The following KDM4B variants were observed in gnomAD, a reference collection of about 807,000 sequenced individuals.
KDM4B encodes the protein lysine demethylase 4B.
KDM4B carries 32 observed loss-of-function variants against 125.2 expected under a neutral mutation model. The ratio of observed to expected loss-of-function variants is 0.26; its 90% CI spans 0.19 to 0.34. KDM4B has a LOEUF of 0.34. Ranked by LOEUF, KDM4B falls within the 10% of genes least tolerant of loss-of-function variation. KDM4B has a pLI of 1.00. For missense variants in KDM4B, 1,190 were observed against 1,577.7 expected (o/e 0.75, Z 4.16); for synonymous variants, 721 against 677.9 (o/e 1.06, Z -0.99).
intron 2 of KDM4B, among the ~76,000 whole-genome samples, chr19:5,025,670 A>G (rs566124783): frequency 6.6e-6 from 1 of 152,046 alleles, no homozygotes. Context: ...GCTCCCTGCC[A>G]TCCGGCCTCT....
intron 11 of KDM4B, among the ~76,000 whole-genome samples, chr19:5,121,382 A>G (rs78837366): frequency 0.055 from 8,321 of 152,302 alleles, 311 homozygotes; most frequent in Admixed American, 0.11. Context: ...CATCGTGGGT[A>G]GAAGAGAAAA....
At chr19:5,038,285 G>T (rs751209850) in intron 3 of KDM4B, among the ~76,000 whole-genome samples, 2 of 152,226 alleles carry the variant, frequency 1.3e-5, no homozygotes, top group Non-Finnish European at 2.9e-5. Flanking sequence ...GGCCCGTGGT[G>T]CCCACCGGCA....
At chr19:5,080,130 T>C (rs935740418) in intron 8 of KDM4B, among the ~76,000 whole-genome samples, 3 of 152,204 alleles carry the variant, frequency 2.0e-5, no homozygotes, top group African/African-American at 7.2e-5. Context: ...AAAATATAAC[T>C]TAATGCACAC....
In KDM4B at chr19:5,137,930, CGCACCTGACCCCGCT is replaced by C. The variant is rs1568321602; in HGVS notation, c.2442-24_2442-10del. ...TGTGACCAGCCCAGGTCCTCAGAGGCGCACCTGACCCCGCTGCACCTGCCCTCCCAGGTGGATCCA... is the reference window on the plus strand; with the variant it reads ...TGTGACCAGCCCAGGTCCTCAGAGGCGCACCTGCCCTCCCAGGTGGATCCA... On this transcript the variant is annotated splice_polypyrimidine_tract_variant and intron_variant, in intron 17 of 22. Transcript: ENST00000159111. 2 of 1,549,914 alleles carry C rather than the reference CGCACCTGACCCCGCT, an allele frequency of 1.3e-6. No individual in the cohort carries two copies. The highest frequency in any genetic ancestry group is 1.8e-6 in the Non-Finnish European group (2 of 1,130,328).
intron 6 of KDM4B, among the ~76,000 whole-genome samples, chr19:5,048,459 C>T (rs927877085): frequency 1.1e-4 from 16 of 152,230 alleles, no homozygotes; most frequent in African/African-American, 3.9e-4. Context: ...CTAGGTGGCG[C>T]TCCCGCCCTT....
chr19:5,108,284 G>A (rs2039074272), intron 9 of KDM4B, among the ~76,000 whole-genome samples: 1 of 152,222 alleles, frequency 6.6e-6, no homozygotes, highest in Admixed American at 6.5e-5. Flanking sequence ...GGCACCATCT[G>A]TGTTCCTGCC....
chr19:5,047,265 C>T, intron 5 of KDM4B: 1 of 534,298 alleles, frequency 1.9e-6, no homozygotes, highest in Non-Finnish European at 3.3e-6. Flanking sequence ...GATTCTGCCA[C>T]TGCACTCCAG....
At chr19:5,071,156 G>A in intron 7 of KDM4B, 97 bp downstream of exon 7, 2 of 1,187,930 alleles carry the variant, frequency 1.7e-6, no homozygotes, top group Admixed American at 2.1e-5. Flanking sequence ...CTCTGCTGCG[G>A]TCTGGGTTTG....
rs1301996906 is a variant in KDM4B, at chr19:5,142,652, C to T, written c.2551-1315C>T. On this transcript the variant is annotated intron_variant, in intron 18 of 22. Coordinates refer to ENST00000159111, the MANE Select transcript of KDM4B (RefSeq NM_015015.3). The surrounding 1 kb of genome is among the most constrained non-coding windows in gnomAD (Gnocchi z 5.4). ...CAGTGTCCAGGTGGGGCCTCTCCCCCACCCCCAGGCTCCCCAGGGAGCACA... is the reference window on the plus strand; with the variant it reads ...CAGTGTCCAGGTGGGGCCTCTCCCCTACCCCCAGGCTCCCCAGGGAGCACA... 6.6e-6 allele frequency among the ~76,000 whole-genome samples: 1 copy of T among 152,148 alleles called. No homozygotes were observed. Among genetic ancestry groups the T allele is most frequent in the Non-Finnish European group, 1.5e-5 (1 of 68,010 alleles).
intron 10 of KDM4B, chr19:5,111,962 T>C: frequency 1.6e-6 from 1 of 644,394 alleles, no homozygotes; most frequent in Non-Finnish European, 2.8e-6. Flanking sequence ...CACTTAAAAA[T>C]GTGAACATTG....
At chr19:5,050,499 C>A (rs535716915) in intron 6 of KDM4B, among the ~76,000 whole-genome samples, 1 of 152,340 alleles carries the variant, frequency 6.6e-6, no homozygotes, top group East Asian at 1.9e-4. Context: ...TCCACTTGAC[C>A]CTGTATTCCA....
Position 5,081,835 on chromosome 19 carries a change from A to G in KDM4B, c.781-532A>G, listed in dbSNP as rs73544389. Among the ~76,000 whole-genome samples the G allele has an allele frequency of 2.6e-3, 401 of 152,234 alleles. 1 individual carries two copies. The highest frequency in any genetic ancestry group is 9.0e-3 in the African/African-American group (375 of 41,538). ...GGTGGTTCCTTTCTCATGCGAGGGC[A>G]GAAGGTGTCCTGAGCGCGTGCAGTG... On this transcript the variant is annotated intron_variant, in intron 8 of 22. Coordinates refer to ENST00000159111, the MANE Select transcript of KDM4B (RefSeq NM_015015.3). This position sits in a 1 kb window ranked among gnomAD's most constrained non-coding sequence, Gnocchi z 4.2.
chr19:5,137,313 G>A lies in KDM4B; in HGVS notation c.2360G>A (p.Arg787Gln), dbSNP rs1266975313. Residue 787 changes from arginine (R) to glutamine (Q), a missense_variant, in exon 16 of 23, where the codon CGG (arginine) becomes CAG (glutamine). Arg to Gln is a conservative substitution (Grantham distance 43). Coordinates refer to ENST00000159111, the MANE Select transcript of KDM4B (RefSeq NM_015015.3). ...GTCAATGAAGGCTGGACGTGTTCCCGGTGCGCGGCCCACGCCTGGACTGCG... is the reference window on the plus strand; with the variant it reads ...GTCAATGAAGGCTGGACGTGTTCCCAGTGCGCGGCCCACGCCTGGACTGCG... ...ELVNEGWTCS[R>Q]CAAHAWTAEC... 1.9e-6 allele frequency: 3 copies of A among 1,578,420 alleles called. No homozygotes were observed. The highest frequency in any genetic ancestry group is 1.8e-5 in the Admixed American group (1 of 54,570).
chr19:5,065,335 G>A (rs1242612148), intron 6 of KDM4B, among the ~76,000 whole-genome samples: 2 of 152,208 alleles, frequency 1.3e-5, no homozygotes, highest in Admixed American at 6.5e-5. Context: ...GCCCAGGACG[G>A]CCTGTGTTCC....
chr19:5,147,788 G>C (rs372605315), intron 21 of KDM4B, among the ~76,000 whole-genome samples: 107 of 151,806 alleles, frequency 7.0e-4, no homozygotes, highest in African/African-American at 2.1e-3. Context: ...TGCTCGGGGC[G>C]GGGGGGCAGA....
chr19:5,047,216 A>G, intron 5 of KDM4B: 1 of 449,898 alleles, frequency 2.2e-6, no homozygotes, highest in South Asian at 3.5e-5. Flanking sequence ...AGGCTGGAGG[A>G]TTACCTGAGC....
intron 1 of KDM4B, among the ~76,000 whole-genome samples, chr19:5,011,007 G>A (rs2035711655): frequency 6.6e-6 from 1 of 152,164 alleles, no homozygotes; most frequent in Non-Finnish European, 1.5e-5. Context: ...TTTATCCTGT[G>A]GGTTGTAACA....
intron 9 of KDM4B, among the ~76,000 whole-genome samples, chr19:5,093,172 G>C (rs1317664766): frequency 6.6e-6 from 1 of 152,240 alleles, no homozygotes; most frequent in Non-Finnish European, 1.5e-5. Context: ...GGAGGAGAAA[G>C]GCAGGTCCTG....
chr19:5,060,456 AAAAAAAAG>A lies in KDM4B; in HGVS notation c.627-10553_627-10546del, dbSNP rs1332705172. Among the ~76,000 whole-genome samples, 1,082 of 143,464 alleles carry A rather than the reference AAAAAAAAG, an allele frequency of 7.5e-3. 68 individuals carry two copies. The highest frequency in any genetic ancestry group is 0.021 in the African/African-American group (780 of 37,142). 94.1% of individuals were successfully genotyped at this position (143,464 alleles called of 152,430 possible). A position where few individuals can be genotyped will look rare whatever the true frequency, so the allele number is the denominator to read the frequency against. On this transcript the variant is annotated intron_variant, in intron 6 of 22. Coordinates refer to ENST00000159111, the MANE Select transcript of KDM4B (RefSeq NM_015015.3). ...TCCAAAAAAAAAAAAAAAAAAAAAAAAAAAAAAGGGAGCCATGATTGTTCTCCAGCTGC... is the reference window on the plus strand; with the variant it reads ...TCCAAAAAAAAAAAAAAAAAAAAAAAGGAGCCATGATTGTTCTCCAGCTGC...
Sources: allele counts gnomAD v4.1 joint callset (sites outside exome capture counted in the v4.1 genomes callset), GRCh38; gene constraint gnomAD v4.1.1; non-coding constraint Gnocchi (gnomAD v3.1); transcripts MANE v1.5; gene names NCBI Gene and HGNC (gene_info 2026-07-23, HGNC 2026-07-21).